Variants in PPFIBP1 observed in about 807,000 individuals in gnomAD.
PPFIBP1 encodes liprin-beta-1.
PPFIBP1 carries 112 observed loss-of-function variants against 137.8 expected under a neutral mutation model. The ratio of observed to expected loss-of-function variants is 0.81; its 90% CI spans 0.70 to 0.95. The LOEUF is 0.95. PPFIBP1 is among the 40% of genes least tolerant of loss of function. The pLI is 0.00. For synonymous variants in PPFIBP1, 378 were observed against 417.3 expected (o/e 0.91, Z 1.15); for missense variants, 1,083 against 1,196.6 (o/e 0.91, Z 1.40).
chr12:27,548,219 C>T (rs899068), intron 1 of PPFIBP1: 34,708 of 152,096 alleles, frequency 0.23, 4,325 homozygotes, highest in South Asian at 0.44. Flanking sequence ...AATTACTGCA[C>T]GTTCAGAATA....
chr12:27,641,288 G>A (rs1271807541), intron 4 of PPFIBP1, among the ~76,000 whole-genome samples: 9 of 152,130 alleles, frequency 5.9e-5, no homozygotes, highest in Admixed American at 5.9e-4. Flanking sequence ...ATCACTGCTT[G>A]TATGTTGATT....
rs768517002 is a variant in PPFIBP1, at chr12:27,691,840, A to C, written c.2777A>C (p.Gln926Pro). 7 of 1,613,962 alleles carry C rather than the reference A, an allele frequency of 4.3e-6. No homozygotes were observed. The highest frequency in any genetic ancestry group is 1.7e-6 in the Non-Finnish European group (2 of 1,179,854). The change falls in exon 28 of 30, where the codon CAG (glutamine) becomes CCG (proline). Residue 926 changes from glutamine (Q) to proline (P), a missense_variant. Coordinates refer to ENST00000228425, the MANE Select transcript of PPFIBP1 (RefSeq NM_003622.4). ...TATGTTTGTCCAATGGAATTGGGAC[A>C]GGCATCAGGAAGTGCATCTAAGAAA... ...EEYVCPMELG[Q>P]ASGSASKKGF...
intron 2 of PPFIBP1, among the ~76,000 whole-genome samples, chr12:27,587,516 G>A (rs994969666): frequency 2.0e-5 from 3 of 151,054 alleles, no homozygotes; most frequent in South Asian, 2.1e-4. Flanking sequence ...CCAGCTACTC[G>A]GGAGGCTGAG....
intron 1 of PPFIBP1, among the ~76,000 whole-genome samples, chr12:27,556,633 T>C (rs1224453978): frequency 2.0e-5 from 3 of 152,236 alleles, no homozygotes; most frequent in Admixed American, 2.0e-4. Context: ...GCTTTGCTGC[T>C]GGCAGTCTGG....
chr12:27,583,798 C>G (rs2051390022), intron 2 of PPFIBP1, among the ~76,000 whole-genome samples: 1 of 152,180 alleles, frequency 6.6e-6, no homozygotes, highest in Admixed American at 6.5e-5. Flanking sequence ...GTGAGTAATT[C>G]AAGGGGGACA....
intron 2 of PPFIBP1, among the ~76,000 whole-genome samples, chr12:27,582,211 CGTGT>C (rs2051205990): frequency 1.3e-5 from 2 of 151,842 alleles, no homozygotes. Flanking sequence ...AAATAAGTGG[CGTGT>C]GTATGTGTGT....
At chr12:27,548,091 C>G (rs1035254374) in intron 1 of PPFIBP1, 2 of 152,128 alleles carry the variant, frequency 1.3e-5, no homozygotes, top group Non-Finnish European at 2.9e-5. Context: ...GATCTCCAGC[C>G]TCTTGGAAGT....
At chr12:27,618,328 G>C (rs910029879) in intron 2 of PPFIBP1, among the ~76,000 whole-genome samples, 3 of 152,158 alleles carry the variant, frequency 2.0e-5, no homozygotes, top group Non-Finnish European at 4.4e-5. Flanking sequence ...GTGATGGGAA[G>C]GGGGAGCCCA....
intron 1 of PPFIBP1, among the ~76,000 whole-genome samples, chr12:27,525,957 A>C (rs1943700791): frequency 6.6e-6 from 1 of 152,254 alleles, no homozygotes; most frequent in East Asian, 1.9e-4. Flanking sequence ...TGGAAAGACA[A>C]CATTTTAATT....
chr12:27,691,645 T>C (rs2061552691), intron 27 of PPFIBP1, 104 bp from the exon 28 acceptor site: 1 of 777,524 alleles, frequency 1.3e-6, no homozygotes, highest in Non-Finnish European at 2.1e-6. Context: ...ATTATACATA[T>C]AGGAGGGAGG....
At chr12:27,638,942 A>C (rs2057898726) in intron 4 of PPFIBP1, among the ~76,000 whole-genome samples, 1 of 152,170 alleles carries the variant, frequency 6.6e-6, no homozygotes, top group Non-Finnish European at 1.5e-5. Context: ...TAACCTTTTC[A>C]TTAGTGCAAC....
chr12:27,539,875 T>A (rs970486011), intron 1 of PPFIBP1, among the ~76,000 whole-genome samples: 2 of 152,178 alleles, frequency 1.3e-5, no homozygotes, highest in African/African-American at 4.8e-5. Context: ...CTATATTTTT[T>A]CCATAGATGA....
intron 1 of PPFIBP1, among the ~76,000 whole-genome samples, chr12:27,558,756 G>A (rs950172935): frequency 2.0e-5 from 3 of 152,104 alleles, no homozygotes; most frequent in Admixed American, 6.5e-5. Context: ...TTATCGCAAA[G>A]CTTTACTAGC....
At chr12:27,692,754 C>A in intron 29 of PPFIBP1, 42 bp from the exon 30 acceptor site, 1 of 1,613,972 alleles carries the variant, frequency 6.2e-7, no homozygotes, top group Non-Finnish European at 8.5e-7. Context: ...TAGCTCTGAG[C>A]TCTTGGCTCT....
chr12:27,587,622 C>CAAA (rs35185831), intron 2 of PPFIBP1, among the ~76,000 whole-genome samples: 4,693 of 73,140 alleles, frequency 0.064, 314 homozygotes, highest in Admixed American at 0.14. Context: ...GACTCCATCT[C>CAAA]AAAAAAAAAA....
chr12:27,689,381 T>C (rs1318941728), intron 27 of PPFIBP1, among the ~76,000 whole-genome samples, 178 bp downstream of exon 27: 1 of 151,920 alleles, frequency 6.6e-6, no homozygotes, highest in Non-Finnish European at 1.5e-5. Context: ...CAATAGACAG[T>C]TGACAGATAG....
At chr12:27,657,827 G>A (rs1166612096) in intron 9 of PPFIBP1, among the ~76,000 whole-genome samples, 6 of 152,066 alleles carry the variant, frequency 3.9e-5, no homozygotes, top group Non-Finnish European at 8.8e-5. Flanking sequence ...AATAAAATGG[G>A]CTGGTTTCAG....
chr12:27,650,607 G>A (rs912674907), intron 7 of PPFIBP1, among the ~76,000 whole-genome samples: 1 of 152,116 alleles, frequency 6.6e-6, no homozygotes, highest in African/African-American at 2.4e-5. Context: ...CTTTTTTGAG[G>A]TCTTTTAATT....
At chr12:27,650,329 T>A (rs1336734320) in intron 7 of PPFIBP1, among the ~76,000 whole-genome samples, 188 bp downstream of exon 7, 1 of 152,262 alleles carries the variant, frequency 6.6e-6, no homozygotes, top group Non-Finnish European at 1.5e-5. Flanking sequence ...TTTTTATCAC[T>A]AGATGCTAAT....
Sources: allele counts gnomAD v4.1 joint callset (sites outside exome capture counted in the v4.1 genomes callset), GRCh38; gene constraint gnomAD v4.1.1; transcripts MANE v1.5; gene names NCBI Gene and HGNC (gene_info 2026-07-23, HGNC 2026-07-21).